CREB5: variants seen among roughly 807,000 people sequenced by gnomAD.
The protein encoded by CREB5 is cyclic AMP-responsive element-binding protein 5.
CREB5 carries 19 observed loss-of-function variants against 57.1 expected under a neutral mutation model. The ratio of observed to expected loss-of-function variants is 0.33; its 90% CI spans 0.23 to 0.49. The LOEUF (loss-of-function observed/expected upper bound fraction) is 0.49, where lower values mean the gene tolerates loss of function less well. Ranked by LOEUF, CREB5 falls within the 20% of genes least tolerant of loss-of-function variation. The pLI, the probability that CREB5 is intolerant of heterozygous loss-of-function variation, is 0.99. For missense variants in CREB5, 579 were observed against 671.6 expected, an observed-to-expected ratio of 0.86 and a Z score of 1.52; for synonymous variants, 238 against 238.3, an observed-to-expected ratio of 1.00 and a Z score of 0.01.
intron 5 of CREB5, among the ~76,000 whole-genome samples, chr7:28,619,268 G>T (rs560130604): frequency 1.3e-5 from 2 of 152,296 alleles, no homozygotes; most frequent in African/African-American, 4.8e-5. Flanking sequence ...GTGGCTCCAA[G>T]GTTACACTAG....
intron 4 of CREB5, among the ~76,000 whole-genome samples, chr7:28,515,131 T>A (rs560383005): frequency 1.5e-3 from 224 of 152,372 alleles, no homozygotes; most frequent in Non-Finnish European, 2.7e-3. Context: ...TTAAATATAC[T>A]ATTAATGATA....
chr7:28,492,350 G>A (rs1023173266), intron 2 of CREB5, among the ~76,000 whole-genome samples: 4 of 152,186 alleles, frequency 2.6e-5, no homozygotes, highest in African/African-American at 9.7e-5. Flanking sequence ...GTCTCAGAAG[G>A]AAGAGTTTCT....
chr7:28,573,513 G>A (rs926021424), intron 5 of CREB5, among the ~76,000 whole-genome samples: 3 of 152,216 alleles, frequency 2.0e-5, no homozygotes, highest in Non-Finnish European at 2.9e-5. Flanking sequence ...GCTGCGGCCA[G>A]CGGGTGTGTT....
At chr7:28,726,661 C>T (rs985081832) in intron 7 of CREB5, 1 of 152,178 alleles carries the variant, frequency 6.6e-6, no homozygotes, top group South Asian at 2.1e-4. Context: ...AACTAAAACT[C>T]TTGTTTCACT....
At chr7:28,702,863 T>C (rs2128738395) in intron 5 of CREB5, among the ~76,000 whole-genome samples, 1 of 152,204 alleles carries the variant, frequency 6.6e-6, no homozygotes, top group Non-Finnish European at 1.5e-5. Flanking sequence ...TGAATGAGAA[T>C]TTGTCAACAA....
intron 3 of CREB5, among the ~76,000 whole-genome samples, chr7:28,502,921 T>C (rs1792326295): frequency 6.6e-6 from 1 of 152,184 alleles, no homozygotes; most frequent in Admixed American, 6.5e-5. Context: ...AAGGTAGCAA[T>C]CAATTATTAA....
At chr7:28,396,739 C>G (rs1787344320) in intron 1 of CREB5, among the ~76,000 whole-genome samples, 1 of 152,112 alleles carries the variant, frequency 6.6e-6, no homozygotes. Context: ...CTCTTGGCTG[C>G]TATTACTTCA....
intron 7 of CREB5, among the ~76,000 whole-genome samples, chr7:28,791,284 T>C (rs960538940): frequency 2.6e-5 from 4 of 152,272 alleles, no homozygotes; most frequent in Admixed American, 6.5e-5. Flanking sequence ...CCTTGGATCA[T>C]GTACGTTTTC....
intron 1 of CREB5, among the ~76,000 whole-genome samples, chr7:28,332,571 C>G (rs943461260): frequency 1.3e-5 from 2 of 152,180 alleles, no homozygotes; most frequent in Non-Finnish European, 1.5e-5. Context: ...CAACCCTGTA[C>G]ACCTTCCCGT....
At chr7:28,607,498 T>C in intron 5 of CREB5, among the ~76,000 whole-genome samples, 1 of 152,174 alleles carries the variant, frequency 6.6e-6, no homozygotes, top group East Asian at 1.9e-4. Context: ...CTGGGTTCAC[T>C]TTGCTGCCAT....
At chr7:28,775,430 C>T (rs1356049851) in intron 7 of CREB5, among the ~76,000 whole-genome samples, 2 of 151,664 alleles carry the variant, frequency 1.3e-5, no homozygotes, top group Admixed American at 6.6e-5. Context: ...TCCATCTATC[C>T]ACTACCTATC....
chr7:28,443,412 G>A (rs2128561846), intron 1 of CREB5, among the ~76,000 whole-genome samples: 1 of 152,306 alleles, frequency 6.6e-6, no homozygotes, highest in East Asian at 1.9e-4. Context: ...CCTGCCATCT[G>A]CTCCAGAGGG....
intron 7 of CREB5, among the ~76,000 whole-genome samples, chr7:28,739,046 A>G (rs916460818): frequency 6.6e-6 from 1 of 152,198 alleles, no homozygotes; most frequent in Admixed American, 6.5e-5. Flanking sequence ...GTATGTTGTG[A>G]TAAATATTAT....
intron 7 of CREB5, among the ~76,000 whole-genome samples, chr7:28,734,206 C>T (rs1284609490): frequency 2.3e-4 from 22 of 96,432 alleles, no homozygotes; most frequent in East Asian, 8.2e-4. Context: ...TTCAGTAGTT[C>T]AAAAAAAAAA....
At chr7:28,621,726 G>A (rs73302827) in intron 5 of CREB5, among the ~76,000 whole-genome samples, 306 of 152,162 alleles carry the variant, frequency 2.0e-3, no homozygotes, top group African/African-American at 6.7e-3. Flanking sequence ...TCAACCTTCC[G>A]GACACAAGTG....
chr7:28,775,522 C>A (rs1806568829), intron 7 of CREB5, among the ~76,000 whole-genome samples: 1 of 111,202 alleles, frequency 9.0e-6, no homozygotes, highest in Non-Finnish European at 1.8e-5. Context: ...TATATTATGC[C>A]ATATTTATGT....
At chr7:28,636,338 A>G (rs551956555) in intron 5 of CREB5, among the ~76,000 whole-genome samples, 3 of 152,218 alleles carry the variant, frequency 2.0e-5, no homozygotes, top group South Asian at 4.2e-4. Context: ...GAGTGTTCCA[A>G]TATGGGATTA....
intron 5 of CREB5, among the ~76,000 whole-genome samples, chr7:28,590,540 AG>A (rs1410375270): frequency 1.5e-5 from 1 of 68,524 alleles, no homozygotes; most frequent in East Asian, 4.9e-4. Context: ...GGGTGGGGGG[AG>A]GGGGGAGGGA....
At chr7:28,810,396 T>G (rs1216131001) in intron 9 of CREB5, among the ~76,000 whole-genome samples, 1 of 152,004 alleles carries the variant, frequency 6.6e-6, no homozygotes, top group Non-Finnish European at 1.5e-5. Flanking sequence ...TAAGAGTTCA[T>G]GGGGTCCGGG....
Sources: gnomAD v4.1 joint callset for allele counts (sites outside exome capture counted in the v4.1 genomes callset) on GRCh38, gnomAD v4.1.1 for gene constraint, MANE v1.5 for transcripts, NCBI Gene and HGNC (gene_info 2026-07-23, HGNC 2026-07-21) for gene names.